Variants in GPR158 observed in about 807,000 individuals in gnomAD.
GPR158 encodes the protein G protein-coupled receptor 158, also known as metabotropic glycine receptor.
In GPR158, 30 loss-of-function variants were observed where a neutral mutation model predicts 78.2. That is an observed-to-expected ratio of 0.38 (90% CI 0.29 to 0.52). The LOEUF (loss-of-function observed/expected upper bound fraction) is 0.52, where lower values mean the gene tolerates loss of function less well. GPR158 is among the 20% of genes least tolerant of loss of function. GPR158 has a pLI of 0.83. For synonymous variants in GPR158, 581 were observed against 591.1 expected (o/e 0.98, Z 0.25); for missense variants, 1,463 against 1,523.5 (o/e 0.96, Z 0.66).
chr10:25,548,110 A>T (rs1016504134), intron 5 of GPR158, among the ~76,000 whole-genome samples: 2 of 152,176 alleles, frequency 1.3e-5, no homozygotes, highest in African/African-American at 4.8e-5. Context: ...ATTTATTTTG[A>T]AGGTAACATT....
chr10:25,331,950 G>T (rs1363432620), intron 2 of GPR158, among the ~76,000 whole-genome samples: 1 of 151,990 alleles, frequency 6.6e-6, no homozygotes, highest in Non-Finnish European at 1.5e-5. Flanking sequence ...GAAAAAGTCT[G>T]CAATAAAAAG....
At chr10:25,471,603 C>G (rs1264970323) in intron 5 of GPR158, among the ~76,000 whole-genome samples, 1 of 152,162 alleles carries the variant, frequency 6.6e-6, no homozygotes, top group Non-Finnish European at 1.5e-5. Context: ...TCCTATTTCT[C>G]CATATCCTTT....
At chr10:25,448,676 T>C (rs1835173397) in intron 4 of GPR158, among the ~76,000 whole-genome samples, 1 of 152,218 alleles carries the variant, frequency 6.6e-6, no homozygotes, top group African/African-American at 2.4e-5. Flanking sequence ...TTTAATTTTA[T>C]AAAAAGCCAC....
rs367581947 is a variant in GPR158, at chr10:25,358,246, A to C, written c.1009-37665A>C. Among the ~76,000 whole-genome samples the C allele has an allele frequency of 3.9e-4, 59 of 152,030 alleles. 2 individuals are homozygous for C. In the East Asian group the frequency reaches 7.0e-3, roughly 18 times the overall value. On this transcript the variant is annotated intron_variant, in intron 2 of 10. Coordinates refer to ENST00000376351, the MANE Select transcript of GPR158 (RefSeq NM_020752.3). ...GAAGGGACTTGCCTTGTTTTGGATG[A>C]GACTTTGGACTGTGGACTTTGGAGT...
chr10:25,247,384 A>G (rs1853709420), intron 2 of GPR158, among the ~76,000 whole-genome samples: 1 of 146,300 alleles, frequency 6.8e-6, no homozygotes, highest in African/African-American at 2.6e-5. Flanking sequence ...TTACATATGT[A>G]TACATGTGCC....
chr10:25,319,824 C>T (rs1400275280), intron 2 of GPR158, among the ~76,000 whole-genome samples: 1 of 136,340 alleles, frequency 7.3e-6, no homozygotes, highest in African/African-American at 3.5e-5. Flanking sequence ...AACACCCCAC[C>T]CCCCCCAAAA....
intron 2 of GPR158, among the ~76,000 whole-genome samples, chr10:25,317,340 A>T (rs562744989): frequency 6.6e-6 from 1 of 151,872 alleles, no homozygotes; most frequent in East Asian, 1.9e-4. Flanking sequence ...GAGCCACTAC[A>T]CCTGGCCTGT....
At chr10:25,241,190 C>T (rs866806375) in intron 2 of GPR158, among the ~76,000 whole-genome samples, 255 of 53,300 alleles carry the variant, frequency 4.8e-3, no homozygotes, top group African/African-American at 0.016. Flanking sequence ...TCTTTCTTTC[C>T]TTTCTTTCTT....
At chr10:25,497,198 T>C (rs1411763478) in intron 5 of GPR158, among the ~76,000 whole-genome samples, 1 of 152,214 alleles carries the variant, frequency 6.6e-6, no homozygotes, top group Non-Finnish European at 1.5e-5. Context: ...CGGAAGCTAA[T>C]GTTTCCCAAA....
chr10:25,594,026 T>C (rs1311104766), intron 8 of GPR158, among the ~76,000 whole-genome samples: 1 of 152,076 alleles, frequency 6.6e-6, no homozygotes, highest in Non-Finnish European at 1.5e-5. Flanking sequence ...GAGGCCACTT[T>C]ACATACAAAA....
At chr10:25,190,537 T>G (rs1852759985) in intron 1 of GPR158, among the ~76,000 whole-genome samples, 1 of 152,110 alleles carries the variant, frequency 6.6e-6, no homozygotes, top group African/African-American at 2.4e-5. Flanking sequence ...TTTATCATGT[T>G]CCCTAGGCTG....
chr10:25,282,738 C>A (rs1317586285), intron 2 of GPR158, among the ~76,000 whole-genome samples: 1 of 152,164 alleles, frequency 6.6e-6, no homozygotes, highest in African/African-American at 2.4e-5. Context: ...AGCATATTTT[C>A]TTGTGCTTCT....
At chr10:25,516,289 G>T (rs1836171722) in intron 5 of GPR158, among the ~76,000 whole-genome samples, 1 of 148,130 alleles carries the variant, frequency 6.8e-6, no homozygotes, top group African/African-American at 2.5e-5. Context: ...CAGATGAGTA[G>T]GTTGCGAAAA....
intron 7 of GPR158, among the ~76,000 whole-genome samples, chr10:25,586,702 C>T (rs781520007): frequency 3.9e-5 from 6 of 152,144 alleles, no homozygotes; most frequent in African/African-American, 9.7e-5. Flanking sequence ...TGTGAGCCAC[C>T]GTGCCCGGCC....
chr10:25,199,596 G>A (rs1202579411), intron 1 of GPR158, among the ~76,000 whole-genome samples: 1 of 152,036 alleles, frequency 6.6e-6, no homozygotes, highest in Non-Finnish European at 1.5e-5. Context: ...TTGGATCATG[G>A]GGGCAATTCC....
chr10:25,507,033 C>T (rs918525309), intron 5 of GPR158, among the ~76,000 whole-genome samples: 6 of 152,274 alleles, frequency 3.9e-5, no homozygotes, highest in Non-Finnish European at 7.4e-5. Flanking sequence ...AGGTTTGCTT[C>T]GGGTTCATGA....
intron 4 of GPR158, among the ~76,000 whole-genome samples, chr10:25,464,420 C>T (rs824589): frequency 0.36 from 54,363 of 152,004 alleles, 11,950 homozygotes; most frequent in Middle Eastern, 0.59. Context: ...TGACTGTTAG[C>T]GATATATTCT....
chr10:25,356,995 G>A (rs192916450), intron 2 of GPR158, among the ~76,000 whole-genome samples: 118 of 152,160 alleles, frequency 7.8e-4, no homozygotes, highest in African/African-American at 2.7e-3. Context: ...TGAACAATAA[G>A]GTCCGGGCTG....
In GPR158 at chr10:25,239,177, T is replaced by C. The variant is rs544066010; in HGVS notation, c.1008+18020T>C. On this transcript the variant is annotated intron_variant, in intron 2 of 10. Transcript: ENST00000376351. The stretch of plus-strand genomic sequence containing the variant: ...CTAACTCTTGCTAATGAAGAGCTAA[T>C]TTTGACTTGTCTTTAAATTGGATGA... Among the ~76,000 whole-genome samples, 9 of 152,248 alleles carry C rather than the reference T, an allele frequency of 5.9e-5. No homozygotes were observed. The South Asian group carries it at 1.9e-3, about 32-fold the overall frequency.
Sources: allele counts gnomAD v4.1 joint callset (sites outside exome capture counted in the v4.1 genomes callset), GRCh38; gene constraint gnomAD v4.1.1; transcripts MANE v1.5; gene names NCBI Gene and HGNC (gene_info 2026-07-23, HGNC 2026-07-21).